Variants in PRDM5 observed in about 807,000 individuals in gnomAD.
The protein encoded by PRDM5 is PR domain zinc finger protein 5.
A neutral mutation model predicts 81.2 loss-of-function variants in PRDM5; 56 were observed. The ratio of observed to expected loss-of-function variants is 0.69; its 90% CI spans 0.56 to 0.86. The LOEUF (loss-of-function observed/expected upper bound fraction) is 0.86, where lower values mean the gene tolerates loss of function less well. PRDM5 is among the 40% of genes least tolerant of loss of function. The probability of loss-of-function intolerance (pLI) is 0.00; values close to 1 mark genes in which losing one functional copy is unlikely to be tolerated. For missense variants in PRDM5, 697 were observed against 770.1 expected (o/e 0.91, Z 1.12); for synonymous variants, 267 against 256.4 (o/e 1.04, Z -0.39).
At chr4:120,793,775 G>C (rs1750931709) in intron 10 of PRDM5, among the ~76,000 whole-genome samples, 1 of 135,446 alleles carries the variant, frequency 7.4e-6, no homozygotes, top group African/African-American at 2.7e-5. Context: ...AAAATTAACA[G>C]AGTAGATTTT....
At position 120,699,948 on chromosome 4, in the gene PRDM5, TA is replaced by T. The variant is rs1560893431; in HGVS notation, c.1729-4674del. On this transcript the variant is annotated intron_variant, in intron 15 of 15. Coordinates refer to ENST00000264808, the MANE Select transcript of PRDM5 (RefSeq NM_018699.4). Reference sequence around the variant, plus strand: ...TTCTAAAATTTATATAGAACCAAAATAAATAAATAAATAAATAAATAAAAAG... The same window carrying T: ...TTCTAAAATTTATATAGAACCAAAATAATAAATAAATAAATAAATAAAAAG... Among the ~76,000 whole-genome samples, 3 of 145,998 alleles carry T rather than the reference TA, an allele frequency of 2.1e-5. No individual in the cohort carries two copies. In the East Asian group the frequency reaches 5.8e-4, roughly 28 times the overall value.
intron 2 of PRDM5, among the ~76,000 whole-genome samples, chr4:120,899,379 G>A (rs1188741488): frequency 2.0e-5 from 3 of 152,194 alleles, no homozygotes; most frequent in Non-Finnish European, 4.4e-5. Flanking sequence ...TCGTCACACA[G>A]CTGATTGGCA....
chr4:120,754,242 A>T (rs1744401843), intron 14 of PRDM5, among the ~76,000 whole-genome samples: 1 of 152,246 alleles, frequency 6.6e-6, no homozygotes, highest in Non-Finnish European at 1.5e-5. Context: ...ATTCTGCAAG[A>T]AAAACCTTTA....
intron 1 of PRDM5, among the ~76,000 whole-genome samples, chr4:120,909,101 A>G (rs1471323068): frequency 6.6e-6 from 1 of 152,202 alleles, no homozygotes; most frequent in Non-Finnish European, 1.5e-5. Context: ...TTAACAACTA[A>G]GAAAATTGAG....
At chr4:120,867,293 AT>A (rs1761291297) in intron 2 of PRDM5, among the ~76,000 whole-genome samples, 1 of 152,206 alleles carries the variant, frequency 6.6e-6, no homozygotes, top group Non-Finnish European at 1.5e-5. Context: ...GGAATATTAA[AT>A]GATCTTCATA....
intron 14 of PRDM5, among the ~76,000 whole-genome samples, chr4:120,719,074 T>G (rs2097371185): frequency 6.6e-6 from 1 of 152,196 alleles, no homozygotes; most frequent in Non-Finnish European, 1.5e-5. Flanking sequence ...AACTCCCCAC[T>G]CTGGTCCAGA....
At chr4:120,817,902 G>A (rs571691578) in intron 5 of PRDM5, among the ~76,000 whole-genome samples, 1 of 152,208 alleles carries the variant, frequency 6.6e-6, no homozygotes, top group African/African-American at 2.4e-5. Flanking sequence ...AATAAACAGT[G>A]CTTCCCAAAA....
At chr4:120,711,775 T>C (rs1381088644) in intron 14 of PRDM5, among the ~76,000 whole-genome samples, 4 of 152,204 alleles carry the variant, frequency 2.6e-5, no homozygotes, top group Admixed American at 6.5e-5. Context: ...TTAGCCTTCT[T>C]TGATACCAGG....
intron 2 of PRDM5, among the ~76,000 whole-genome samples, chr4:120,902,827 C>A (rs1765367197): frequency 6.6e-6 from 1 of 152,200 alleles, no homozygotes; most frequent in Admixed American, 6.5e-5. Flanking sequence ...TCAGTAAGTT[C>A]TAAGCTGCAC....
At chr4:120,922,297 G>A (rs1016961465) in intron 1 of PRDM5, among the ~76,000 whole-genome samples, 19 of 152,072 alleles carry the variant, frequency 1.2e-4, no homozygotes, top group Non-Finnish European at 2.1e-4. Flanking sequence ...GCACCCCGCC[G>A]CCACCTACGT....
At chr4:120,856,795 G>A (rs563931816) in intron 2 of PRDM5, among the ~76,000 whole-genome samples, 1 of 152,080 alleles carries the variant, frequency 6.6e-6, no homozygotes. Context: ...ATTCCTCCTA[G>A]TACCATGTTT....
intron 2 of PRDM5, among the ~76,000 whole-genome samples, chr4:120,863,191 TACACACACACACACAC>T (rs370387683): frequency 1.7e-4 from 12 of 70,322 alleles, no homozygotes; most frequent in African/African-American, 6.1e-4. Context: ...TATATATATA[TACACACACACACACAC>T]ACACACACAC....
At chr4:120,801,297 G>A (rs993246219) in intron 8 of PRDM5, among the ~76,000 whole-genome samples, 1 of 152,212 alleles carries the variant, frequency 6.6e-6, no homozygotes, top group Non-Finnish European at 1.5e-5. Context: ...AGTAATGAGT[G>A]GAGGACTCGG....
At chr4:120,895,887 T>C (rs2148642439) in intron 2 of PRDM5, among the ~76,000 whole-genome samples, 1 of 152,260 alleles carries the variant, frequency 6.6e-6, no homozygotes, top group East Asian at 1.9e-4. Flanking sequence ...TGCAATCTCT[T>C]CCCTGAGTCC....
intron 9 of PRDM5, among the ~76,000 whole-genome samples, 153 bp from the exon 10 acceptor site, chr4:120,798,577 TA>T (rs1212885027): frequency 2.0e-5 from 3 of 152,140 alleles, no homozygotes; most frequent in Non-Finnish European, 2.9e-5. Context: ...AATAGACACA[TA>T]AATGTGTCTA....
At chr4:120,882,723 A>G (rs1395855226) in intron 2 of PRDM5, among the ~76,000 whole-genome samples, 1 of 152,240 alleles carries the variant, frequency 6.6e-6, no homozygotes, top group Non-Finnish European at 1.5e-5. Flanking sequence ...AAATATTCAA[A>G]TGAACACATT....
intron 3 of PRDM5, among the ~76,000 whole-genome samples, chr4:120,839,435 CCT>C (rs1443260749): frequency 6.6e-6 from 1 of 152,178 alleles, no homozygotes. Context: ...GAAGGTAACT[CCT>C]CTCTCTAGGC....
At position 120,774,902 on chromosome 4, in the gene PRDM5, A is replaced by ATATATATATGTATATG. The variant is rs1553963976; in HGVS notation, c.1537+2285_1537+2286insCATATACATATATATA. 3.2e-3 allele frequency among the ~76,000 whole-genome samples: 474 copies of ATATATATATGTATATG among 146,048 alleles called. 3 individuals are homozygous for ATATATATATGTATATG. Among genetic ancestry groups the ATATATATATGTATATG allele is most frequent in the African/African-American group, 0.011 (446 of 39,930 alleles). On this transcript the variant is annotated intron_variant, in intron 13 of 15. Transcript: ENST00000264808. Reference sequence around the variant, plus strand: ...TCTCTCTCTTTCTATATATATATATATATATGTATATGTATATGTATATAT... The same window carrying ATATATATATGTATATG: ...TCTCTCTCTTTCTATATATATATATATATATATATGTATATGTATATGTATATGTATATGTATATAT...
In PRDM5 at chr4:120,866,496, G is replaced by A. The variant is rs556452497; in HGVS notation, c.178-12956C>T. Among the ~76,000 whole-genome samples the A allele has an allele frequency of 5.3e-5, 8 of 152,314 alleles. No individual in the cohort carries two copies. The South Asian group carries it at 1.7e-3, about 32-fold the overall frequency. ...CTAATAGTTATTGAGTGTTTATTAT[G>A]TGCCAGGCACTTTGTTAAACACCTT... On this transcript the variant is annotated intron_variant, in intron 2 of 15. Coordinates refer to ENST00000264808, the MANE Select transcript of PRDM5 (RefSeq NM_018699.4).
Sources: allele counts gnomAD v4.1 joint callset (sites outside exome capture counted in the v4.1 genomes callset), GRCh38; gene constraint gnomAD v4.1.1; transcripts MANE v1.5; gene names NCBI Gene and HGNC (gene_info 2026-07-23, HGNC 2026-07-21).